Variants in QKI observed in about 807,000 individuals in gnomAD.
The protein encoded by QKI is KH domain-containing RNA-binding protein QKI.
A neutral mutation model predicts 39.0 loss-of-function variants in QKI; 10 were observed. The observed-to-expected ratio is 0.26, with a 90% confidence interval of 0.16 to 0.43. The LOEUF (loss-of-function observed/expected upper bound fraction) is 0.43. Among genes scored for constraint, QKI ranks in the 20% least tolerant of loss-of-function variants. QKI has a pLI of 1.00. For missense variants in QKI, 218 were observed against 428.0 expected (o/e 0.51, Z 4.33); for synonymous variants, 204 against 155.4 (o/e 1.31, Z -2.33).
chr6:163,556,971 A>C (rs1436092838), intron 4 of QKI, among the ~76,000 whole-genome samples: 1 of 152,158 alleles, frequency 6.6e-6, no homozygotes, highest in Non-Finnish European at 1.5e-5. Context: ...TGACCCAGCA[A>C]CTCTACTCAT....
intron 1 of QKI, among the ~76,000 whole-genome samples, chr6:163,444,704 G>A (rs753493964): frequency 6.6e-6 from 1 of 152,214 alleles, no homozygotes; most frequent in Non-Finnish European, 1.5e-5. Context: ...TGGATGATTA[G>A]TAATGATTGC....
intron 1 of QKI, among the ~76,000 whole-genome samples, chr6:163,445,168 A>T (rs1452318308): frequency 2.0e-5 from 3 of 152,226 alleles, no homozygotes; most frequent in Non-Finnish European, 4.4e-5. Context: ...AACAGTGGAA[A>T]AAAATAATGT....
intron 2 of QKI, among the ~76,000 whole-genome samples, chr6:163,475,421 T>G (rs1029408935): frequency 2.6e-5 from 4 of 152,232 alleles, no homozygotes; most frequent in African/African-American, 9.6e-5. Flanking sequence ...TTTTAAGTAA[T>G]CTAAAGATGA....
intron 3 of QKI, among the ~76,000 whole-genome samples, chr6:163,511,195 G>A (rs1015330520): frequency 6.6e-6 from 1 of 152,030 alleles, no homozygotes; most frequent in Non-Finnish European, 1.5e-5. Flanking sequence ...GAGTGATTGT[G>A]GAAATGCAAG....
chr6:163,458,288 A>G (rs1342074523), intron 2 of QKI, among the ~76,000 whole-genome samples: 4 of 152,182 alleles, frequency 2.6e-5, no homozygotes, highest in Non-Finnish European at 4.4e-5. Context: ...CATTTCTGTA[A>G]TGGAGATATT....
At chr6:163,503,706 AC>A (rs1463219276) in intron 3 of QKI, among the ~76,000 whole-genome samples, 1 of 152,018 alleles carries the variant, frequency 6.6e-6, no homozygotes, top group Non-Finnish European at 1.5e-5. Flanking sequence ...TTGAGGTCTT[AC>A]ATTTTAATCT....
Position 163,574,416 on chromosome 6 carries a change from C to T in QKI, c.*3706C>T, listed in dbSNP as rs896221654. ...TAACTTGGGTAAAGTCAAAGGCCCA[C>T]TGGCTGTTTCTCATGGTGGCCTGAA... On this transcript the variant is annotated 3_prime_UTR_variant, in exon 8 of 8. Transcript: ENST00000361752. The T allele has an allele frequency of 4.6e-5, 7 of 152,204 alleles. No homozygotes were observed. Among genetic ancestry groups the T allele is most frequent in the African/African-American group, 1.7e-4 (7 of 41,446 alleles). The allele number at this position is 152,204 out of a possible 1,614,324, so 9.4% of individuals were successfully genotyped here.
rs140827334 is a variant in QKI, at chr6:163,453,699, C to T, written c.143-1580C>T. On this transcript the variant is annotated intron_variant, in intron 1 of 7. Transcript: ENST00000361752. ...CCTTAGGAAATAATAAAATTCTGCC[C>T]TTATCATGTAGTCAAATCCAAGGTA... Among the ~76,000 whole-genome samples, 763 of 152,154 alleles carry T rather than the reference C, an allele frequency of 5.0e-3. 8 individuals carry two copies. Among genetic ancestry groups the T allele is most frequent in the African/African-American group, 0.017 (714 of 41,506 alleles).
At chr6:163,477,132 C>T (rs929242724) in intron 2 of QKI, among the ~76,000 whole-genome samples, 8 of 151,624 alleles carry the variant, frequency 5.3e-5, no homozygotes, top group Non-Finnish European at 7.4e-5. Context: ...TCTCATGCCT[C>T]GGCCACCCAG....
At chr6:163,563,337 T>C in intron 5 of QKI, 83 bp from the exon 6 acceptor site, 5 of 1,283,204 alleles carry the variant, frequency 3.9e-6, no homozygotes, top group Middle Eastern at 2.0e-4. Flanking sequence ...GCTTTTCCTT[T>C]CTTTTTCCTA....
chr6:163,477,221 G>A (rs1446625427), intron 2 of QKI, among the ~76,000 whole-genome samples: 1 of 151,916 alleles, frequency 6.6e-6, no homozygotes. Context: ...TCACCATGTT[G>A]GCCAGGCTCG....
At chr6:163,543,884 A>G (rs1422070772) in intron 4 of QKI, among the ~76,000 whole-genome samples, 1 of 152,098 alleles carries the variant, frequency 6.6e-6, no homozygotes. Flanking sequence ...CTTAATTTAA[A>G]TATATTTTCA....
chr6:163,466,143 G>T (rs370283905), intron 2 of QKI, among the ~76,000 whole-genome samples: 1 of 150,044 alleles, frequency 6.7e-6, no homozygotes, highest in Non-Finnish European at 1.5e-5. Context: ...AAAAAAAAAG[G>T]GCTATCTCAT....
intron 3 of QKI, among the ~76,000 whole-genome samples, chr6:163,482,609 A>G (rs140691679): frequency 1.5e-4 from 23 of 152,258 alleles, no homozygotes; most frequent in African/African-American, 5.3e-4. Context: ...AGAGTAGTTC[A>G]CAGAACTCAG....
chr6:163,540,001 A>G (rs1781414595), intron 4 of QKI, among the ~76,000 whole-genome samples: 4 of 151,760 alleles, frequency 2.6e-5, no homozygotes, highest in Non-Finnish European at 4.4e-5. Context: ...CTTACGTAAC[A>G]TGAGATACTT....
Position 163,524,762 on chromosome 6 carries a change from C to T in QKI, c.403-10220C>T, listed in dbSNP as rs142102158. Among the ~76,000 whole-genome samples, 362 of 152,256 alleles carry T rather than the reference C, an allele frequency of 2.4e-3. 5 individuals are homozygous for T. The highest frequency in any genetic ancestry group is 8.2e-3 in the African/African-American group (341 of 41,550). On this transcript the variant is annotated intron_variant, in intron 3 of 7. Transcript: ENST00000361752. ...AATTACAGGCATGAACCACCACGCC[C>T]GGCCTTCTGTTTATTTTCTACGATC...
chr6:163,525,469 C>T (rs1780446436), intron 3 of QKI, among the ~76,000 whole-genome samples: 3 of 150,012 alleles, frequency 2.0e-5, no homozygotes, highest in Admixed American at 2.0e-4. Flanking sequence ...AGCAGTTCTC[C>T]TGCCTCAGCC....
At chr6:163,420,149 CTTTTCTT>C (rs1236179091) in intron 1 of QKI, among the ~76,000 whole-genome samples, 2 of 62,360 alleles carry the variant, frequency 3.2e-5, no homozygotes, top group African/African-American at 1.2e-4. Context: ...CTTTTCTTTT[CTTTTCTT>C]TTTTTTTTTT....
At chr6:163,445,401 T>C (rs1225385549) in intron 1 of QKI, among the ~76,000 whole-genome samples, 12 of 152,196 alleles carry the variant, frequency 7.9e-5, no homozygotes, top group Admixed American at 2.6e-4. Flanking sequence ...TATTTAGTAG[T>C]GATGTCTGTT....
Sources: gnomAD v4.1 joint callset for allele counts (sites outside exome capture counted in the v4.1 genomes callset) on GRCh38, gnomAD v4.1.1 for gene constraint, MANE v1.5 for transcripts, NCBI Gene and HGNC (gene_info 2026-07-23, HGNC 2026-07-21) for gene names.